The following SYT14 variants were observed in gnomAD, a reference collection of about 807,000 sequenced individuals.
SYT14 encodes the protein synaptotagmin-14.
SYT14 carries 32 observed loss-of-function variants against 74.2 expected under a neutral mutation model. That is an observed-to-expected ratio of 0.43 (90% CI 0.33 to 0.58). The LOEUF is 0.58. SYT14 is among the 20% of genes least tolerant of loss of function. SYT14 has a pLI of 0.05. For synonymous variants in SYT14, 298 were observed against 337.7 expected, an observed-to-expected ratio of 0.88 and a Z score of 1.29; for missense variants, 791 against 981.8, an observed-to-expected ratio of 0.81 and a Z score of 2.60.
At chr1:210,165,185 C>T (rs1485810604) in exon 10 of SYT14, 1 of 152,010 alleles carries the variant, frequency 6.6e-6, no homozygotes, top group East Asian at 1.9e-4. Flanking sequence ...GTGTAAATTA[C>T]TCTAAAACCC....
chr1:210,153,429 T>A (rs2083207297), intron 7 of SYT14, among the ~76,000 whole-genome samples: 2 of 152,208 alleles, frequency 1.3e-5, no homozygotes, highest in Non-Finnish European at 2.9e-5. Flanking sequence ...ACAGTAACAG[T>A]TTATATAGTA....
chr1:210,119,802 A>G (rs1381522512), intron 7 of SYT14, among the ~76,000 whole-genome samples: 2 of 152,184 alleles, frequency 1.3e-5, no homozygotes, highest in African/African-American at 2.4e-5. Context: ...TAAAAAGGCT[A>G]ATTCTCCATA....
intron 2 of SYT14, among the ~76,000 whole-genome samples, chr1:210,009,448 T>C (rs1389138912): frequency 6.6e-6 from 1 of 152,140 alleles, no homozygotes; most frequent in East Asian, 1.9e-4. Context: ...GTCAGGGTAT[T>C]GTGTGAACAG....
chr1:210,158,700 A>C (rs2083316138), intron 8 of SYT14, among the ~76,000 whole-genome samples: 1 of 152,174 alleles, frequency 6.6e-6, no homozygotes. Flanking sequence ...TTACCATTAG[A>C]TAGATCTTCA....
intron 2 of SYT14, among the ~76,000 whole-genome samples, chr1:209,987,851 T>C (rs556510220): frequency 6.6e-6 from 1 of 152,362 alleles, no homozygotes; most frequent in South Asian, 2.1e-4. Context: ...ACCTCTTTTC[T>C]TTTGTAGATA....
intron 5 of SYT14, among the ~76,000 whole-genome samples, chr1:210,078,584 A>G (rs963780290): frequency 2.6e-5 from 4 of 152,102 alleles, no homozygotes; most frequent in African/African-American, 9.7e-5. Flanking sequence ...AAATGTATTT[A>G]TGGTGTGGGT....
At chr1:209,938,238 G>A (rs1169227059) in exon 1 of SYT14, 20 of 1,543,372 alleles carry the variant, frequency 1.3e-5, no homozygotes, top group Non-Finnish European at 1.8e-5. Context: ...CCGCCATCCA[G>A]TTGGTGCGGT....
At chr1:210,130,233 AC>A (rs1415042348) in intron 7 of SYT14, among the ~76,000 whole-genome samples, 1 of 152,242 alleles carries the variant, frequency 6.6e-6, no homozygotes, top group African/African-American at 2.4e-5. Context: ...TCAAAATTTT[AC>A]ATTTCATATA....
exon 10 of SYT14, chr1:210,161,845 A>G (rs1377765586): frequency 6.6e-6 from 3 of 452,972 alleles, no homozygotes; most frequent in Admixed American, 4.7e-5. Flanking sequence ...CAATGTAGGA[A>G]GCTAATAGAG....
intron 7 of SYT14, among the ~76,000 whole-genome samples, chr1:210,101,348 G>T (rs73072290): frequency 6.6e-6 from 1 of 151,896 alleles, no homozygotes; most frequent in Middle Eastern, 3.2e-3. Flanking sequence ...TAAAATAAAG[G>T]TATACTATTT....
intron 7 of SYT14, among the ~76,000 whole-genome samples, chr1:210,149,890 A>G (rs2083124232): frequency 6.6e-6 from 1 of 152,188 alleles, no homozygotes; most frequent in Non-Finnish European, 1.5e-5. Flanking sequence ...CTCACTGAAG[A>G]CCAAGGGGGA....
At chr1:210,084,107 C>T (rs565889623) in intron 5 of SYT14, among the ~76,000 whole-genome samples, 2 of 152,276 alleles carry the variant, frequency 1.3e-5, no homozygotes, top group South Asian at 2.1e-4. Flanking sequence ...GACATTTTAG[C>T]GCCACTTGGT....
intron 2 of SYT14, among the ~76,000 whole-genome samples, chr1:209,975,569 G>A (rs1008227956): frequency 2.6e-5 from 4 of 152,138 alleles, no homozygotes; most frequent in Non-Finnish European, 5.9e-5. Context: ...TGATCATGGT[G>A]GATAAGCTTT....
intron 1 of SYT14, among the ~76,000 whole-genome samples, chr1:209,942,286 A>G (rs2078745668): frequency 6.6e-6 from 1 of 150,826 alleles, no homozygotes; most frequent in South Asian, 2.1e-4. Flanking sequence ...GCAATCCAAA[A>G]TGTTAAGCTT....
intron 2 of SYT14, among the ~76,000 whole-genome samples, chr1:209,984,504 A>T (rs2079539798): frequency 6.6e-6 from 1 of 152,140 alleles, no homozygotes. Context: ...TCTTTTAAAA[A>T]TTTTTAAATA....
At chr1:210,100,306 A>G (rs778962945) in exon 7 of SYT14, 6 of 1,614,166 alleles carry the variant, frequency 3.7e-6, no homozygotes, top group South Asian at 2.2e-5. Flanking sequence ...TGAATCTGAG[A>G]TGATTGGAAA....
At chr1:210,052,862 T>G (rs2081028166) in intron 5 of SYT14, among the ~76,000 whole-genome samples, 1 of 152,044 alleles carries the variant, frequency 6.6e-6, no homozygotes, top group South Asian at 2.1e-4. Context: ...TATAAGCTTA[T>G]TTTCCTTTTA....
chr1:210,000,214 A>G (rs227188), intron 2 of SYT14, among the ~76,000 whole-genome samples: 86,741 of 151,970 alleles, frequency 0.57, 26,936 homozygotes, highest in African/African-American at 0.83. Context: ...TGTAAGTATT[A>G]TATTAGTCCA....
intron 2 of SYT14, among the ~76,000 whole-genome samples, chr1:210,001,044 A>G (rs1482345749): frequency 1.3e-5 from 2 of 152,200 alleles, no homozygotes; most frequent in Admixed American, 6.5e-5. Flanking sequence ...ACTGAGGCTC[A>G]TGGAGGCTAG....
Sources: allele counts gnomAD v4.1 joint callset (sites outside exome capture counted in the v4.1 genomes callset), GRCh38; gene constraint gnomAD v4.1.1; transcripts MANE v1.5; gene names NCBI Gene and HGNC (gene_info 2026-07-23, HGNC 2026-07-21).